DOCK4: variants seen among roughly 807,000 people sequenced by gnomAD.
The protein encoded by DOCK4 is dedicator of cytokinesis 4.
In DOCK4, 97 loss-of-function variants were observed where a neutral mutation model predicts 268.1. That is an observed-to-expected ratio of 0.36 (90% CI 0.31 to 0.43). The LOEUF is 0.43. DOCK4 is among the 20% of genes least tolerant of loss of function. The pLI, the probability that DOCK4 is intolerant of heterozygous loss-of-function variation, is 1.00. For missense variants in DOCK4, 2,145 were observed against 2,455.7 expected (o/e 0.87, Z 2.67); for synonymous variants, 954 against 887.2 (o/e 1.08, Z -1.34).
chr7:111,795,373 C>T (rs531747428), intron 30 of DOCK4, among the ~76,000 whole-genome samples: 26 of 152,286 alleles, frequency 1.7e-4, no homozygotes, highest in Non-Finnish European at 3.4e-4. Context: ...GCACATCACC[C>T]AGCAGGAACA....
chr7:112,157,739 G>A (rs543473332), intron 1 of DOCK4, among the ~76,000 whole-genome samples: 5 of 152,258 alleles, frequency 3.3e-5, no homozygotes, highest in African/African-American at 7.2e-5. Context: ...CATGACTTCC[G>A]CTAAGGCTAA....
intron 1 of DOCK4, among the ~76,000 whole-genome samples, chr7:112,180,847 T>C (rs1818964500): frequency 6.6e-6 from 1 of 152,166 alleles, no homozygotes; most frequent in African/African-American, 2.4e-5. Flanking sequence ...TGCCTGCCCC[T>C]CTAGGAAGCA....
At chr7:111,885,771 T>G (rs1807789856) in intron 16 of DOCK4, among the ~76,000 whole-genome samples, 1 of 152,218 alleles carries the variant, frequency 6.6e-6, no homozygotes, top group South Asian at 2.1e-4. Flanking sequence ...CTTGCTTTAC[T>G]ATACTTGGAG....
chr7:111,774,603 G>C (rs934682659), intron 36 of DOCK4, among the ~76,000 whole-genome samples: 8 of 152,122 alleles, frequency 5.3e-5, no homozygotes, highest in African/African-American at 1.9e-4. Context: ...CTTCAGGAGG[G>C]GGATGGCTGC....
rs374907231 is a variant in DOCK4, at chr7:112,099,247, G to A, written c.38-95116C>T. 4.9e-4 allele frequency among the ~76,000 whole-genome samples: 73 copies of A among 150,070 alleles called. 1 individual carries two copies. The highest frequency in any genetic ancestry group is 5.9e-4 in the East Asian group (3 of 5,094). On this transcript the variant is annotated intron_variant, in intron 1 of 52. Transcript: ENST00000428084. ...GCAGAGGTGGCAGTGAGCTGAGTTC[G>A]TGCCATTGCATTTCCGCCTGGGTGA... is the stretch of plus-strand genomic sequence containing the variant.
At chr7:111,910,318 A>C (rs1379991009) in intron 13 of DOCK4, among the ~76,000 whole-genome samples, 24 of 152,218 alleles carry the variant, frequency 1.6e-4, no homozygotes, top group Admixed American at 1.6e-3. Context: ...GATGCTTAGC[A>C]ATAGGCCAGG....
At chr7:111,883,946 AAG>A (rs1230956829) in intron 16 of DOCK4, among the ~76,000 whole-genome samples, 1 of 152,196 alleles carries the variant, frequency 6.6e-6, no homozygotes, top group African/African-American at 2.4e-5. Flanking sequence ...GGGTGTGTGT[AAG>A]AGAGATGGGG....
At chr7:112,065,562 T>C (rs1429158590) in intron 1 of DOCK4, among the ~76,000 whole-genome samples, 1 of 149,672 alleles carries the variant, frequency 6.7e-6, no homozygotes, top group Non-Finnish European at 1.5e-5. Context: ...TCCAGCCTAC[T>C]AGATGGTGCT....
At chr7:111,802,534 G>C (rs538617641) in intron 30 of DOCK4, among the ~76,000 whole-genome samples, 40 of 152,294 alleles carry the variant, frequency 2.6e-4, no homozygotes, top group South Asian at 2.1e-4. Context: ...CTGCCAGCCG[G>C]AATAGTTCTC....
chr7:112,203,779 T>C (rs1821148480), intron 1 of DOCK4, among the ~76,000 whole-genome samples: 1 of 151,630 alleles, frequency 6.6e-6, no homozygotes, highest in South Asian at 2.1e-4. Flanking sequence ...GTGCCCTCCA[T>C]GGTGAAAAAT....
At chr7:111,977,328 G>A in intron 7 of DOCK4, 45 bp from the exon 8 acceptor site, 1 of 1,558,658 alleles carries the variant, frequency 6.4e-7, no homozygotes, top group Non-Finnish European at 8.7e-7. Context: ...ATGGACTGAA[G>A]GAAATAACAG....
chr7:112,206,018 G>T, intron 1 of DOCK4, 84 bp downstream of exon 1: 6 of 1,464,360 alleles, frequency 4.1e-6, no homozygotes, highest in Non-Finnish European at 5.6e-6. Context: ...ACCGGGCGGA[G>T]CGAGAGGGGC....
chr7:111,979,687 G>A lies in DOCK4; in HGVS notation c.550-2404C>T, dbSNP rs149763360. 8.5e-5 allele frequency among the ~76,000 whole-genome samples: 13 copies of A among 152,240 alleles called. No individual in the cohort carries two copies. The East Asian group carries it at 2.3e-3, about 27-fold the overall frequency. ...AACCGAATGACTACTAAAGGCCAGAGCTACAGAAATAGATGTAAAAACCTC... is the reference window on the plus strand; with the variant it reads ...AACCGAATGACTACTAAAGGCCAGAACTACAGAAATAGATGTAAAAACCTC... On this transcript the variant is annotated intron_variant, in intron 7 of 52. Transcript: ENST00000428084.
At chr7:112,057,491 T>C (rs776372102) in intron 1 of DOCK4, among the ~76,000 whole-genome samples, 6 of 151,244 alleles carry the variant, frequency 4.0e-5, no homozygotes, top group Admixed American at 2.6e-4. Flanking sequence ...TTCAAGGCTG[T>C]AGTGGACCAT....
chr7:111,834,861 C>G (rs1435496288), intron 25 of DOCK4, among the ~76,000 whole-genome samples, 175 bp from the exon 26 acceptor site: 1 of 151,970 alleles, frequency 6.6e-6, no homozygotes, highest in Non-Finnish European at 1.5e-5. Flanking sequence ...ACAGCCAAAA[C>G]TCCCTATGAT....
intron 8 of DOCK4, among the ~76,000 whole-genome samples, chr7:111,952,699 A>C (rs1049550483): frequency 6.6e-6 from 1 of 152,178 alleles, no homozygotes; most frequent in Admixed American, 6.5e-5. Flanking sequence ...TCCACAAAAA[A>C]TTACAAAGAA....
intron 1 of DOCK4, among the ~76,000 whole-genome samples, chr7:112,018,050 A>G (rs968329163): frequency 2.1e-5 from 3 of 144,726 alleles, no homozygotes; most frequent in Non-Finnish European, 4.5e-5. Context: ...TTAGCCGGGC[A>G]TGGTGGCGGG....
intron 13 of DOCK4, among the ~76,000 whole-genome samples, chr7:111,906,554 T>C (rs1277933110): frequency 6.6e-6 from 1 of 152,106 alleles, no homozygotes; most frequent in Non-Finnish European, 1.5e-5. Context: ...CTCATGTGTG[T>C]GAAAGGCAGA....
chr7:112,148,119 A>G (rs959498620), intron 1 of DOCK4, among the ~76,000 whole-genome samples: 2 of 152,026 alleles, frequency 1.3e-5, no homozygotes, highest in African/African-American at 4.8e-5. Context: ...TGTAGACGGC[A>G]TTGTCCTGGA....
Sources: allele counts gnomAD v4.1 joint callset (sites outside exome capture counted in the v4.1 genomes callset), GRCh38; gene constraint gnomAD v4.1.1; transcripts MANE v1.5; gene names NCBI Gene and HGNC (gene_info 2026-07-23, HGNC 2026-07-21).